The following XDH variants were observed in gnomAD, a reference collection of about 807,000 sequenced individuals.
XDH encodes xanthine dehydrogenase.
A neutral mutation model predicts 156.1 loss-of-function variants in XDH; 138 were observed. The observed-to-expected ratio is 0.88, with a 90% CI of 0.77 to 1.02. The LOEUF (loss-of-function observed/expected upper bound fraction) is 1.02. XDH is among the 50% of genes least tolerant of loss of function. XDH has a pLI of 0.00. For synonymous variants in XDH, 669 were observed against 625.7 expected (o/e 1.07, Z -1.03); for missense variants, 1,849 against 1,684.9 (o/e 1.10, Z -1.71).
intron 1 of XDH, among the ~76,000 whole-genome samples, chr2:31,410,358 A>G (rs1411244555): frequency 6.6e-6 from 1 of 152,244 alleles, no homozygotes; most frequent in Non-Finnish European, 1.5e-5. Flanking sequence ...ACACATAAAA[A>G]TGATTAAGAT....
intron 9 of XDH, among the ~76,000 whole-genome samples, chr2:31,384,588 G>T (rs914188498): frequency 6.6e-6 from 1 of 152,052 alleles, no homozygotes; most frequent in Admixed American, 6.6e-5. Context: ...CTGTTCCTTA[G>T]ACCCAGTTGG....
intron 35 of XDH, among the ~76,000 whole-genome samples, chr2:31,337,273 A>G (rs1433349878): frequency 6.6e-6 from 1 of 151,842 alleles, no homozygotes; most frequent in Non-Finnish European, 1.5e-5. Context: ...CAGTGTCCTT[A>G]ACATAAATTA....
Position 31,377,215 on chromosome 2 carries a change from T to G in XDH, c.1265A>C (p.Lys422Thr). Reference protein sequence around the residue: ...SREGEYFSAFKQASRREDDIA... With the variant: ...SREGEYFSAFTQASRREDDIA... ...GTCATCTTCTCTCCGGGAGGCCTGC[T>G]TGAATGCTGAGAAATACTCCCCCTA... The change falls in exon 14 of 36, where the codon AAG (lysine) becomes ACG (threonine). Residue 422 changes from lysine (K) to threonine (T), a missense_variant. Physicochemically the swap from Lys to Thr is moderately conservative, Grantham distance 78. Coordinates refer to ENST00000379416, the MANE Select transcript of XDH (RefSeq NM_000379.4). 6.2e-7 allele frequency: 1 copy of G among 1,614,134 alleles called. No individual in the cohort carries two copies. The highest frequency in any genetic ancestry group is 1.1e-5 in the South Asian group (1 of 91,082).
chr2:31,366,102 A>G lies in XDH; in HGVS notation c.2330T>C (p.Val777Ala), dbSNP rs746382988. ...TQNTMKTQSF[V>A]AKMLGVPANR... ...TGCTGGAACCCCCAACATTTTTGCAACAAAGCTCTGTGAGTGAAAGACAGA... is the reference window on the plus strand; with the variant it reads ...TGCTGGAACCCCCAACATTTTTGCAGCAAAGCTCTGTGAGTGAAAGACAGA... Residue 777 changes from valine to alanine, a missense_variant, in exon 22 of 36, where the codon GTT becomes GCT. Coordinates refer to ENST00000379416, the MANE Select transcript of XDH (RefSeq NM_000379.4). The G allele has an allele frequency of 1.2e-6, 2 of 1,614,210 alleles. No individual in the cohort carries two copies. Among genetic ancestry groups the G allele is most frequent in the African/African-American group, 1.3e-5 (1 of 75,052 alleles).
At chr2:31,368,146 T>A in intron 19 of XDH, 89 bp from the exon 20 acceptor site, 3 of 1,180,566 alleles carry the variant, frequency 2.5e-6, no homozygotes, top group Non-Finnish European at 3.8e-6. Flanking sequence ...CTCTCTGAAT[T>A]GTTGACTCTC....
chr2:31,368,950 G>GA (rs1345266732), intron 18 of XDH, among the ~76,000 whole-genome samples: 1 of 152,168 alleles, frequency 6.6e-6, no homozygotes, highest in Non-Finnish European at 1.5e-5. Context: ...GCCATGAGCA[G>GA]AAAGGGGGAT....
intron 6 of XDH, among the ~76,000 whole-genome samples, chr2:31,395,007 T>A (rs900148543): frequency 6.6e-6 from 1 of 152,238 alleles, no homozygotes; most frequent in African/African-American, 2.4e-5. Context: ...ATTTGTTAAT[T>A]CCAATATTCC....
At chr2:31,405,851 A>G (rs1687177648) in intron 2 of XDH, 56 bp downstream of exon 2, 10 of 1,600,632 alleles carry the variant, frequency 6.2e-6, no homozygotes, top group Non-Finnish European at 8.6e-6. Context: ...TAAGGCCTAC[A>G]GAATCAGTCA....
chr2:31,393,137 C>T (rs1432769573), intron 6 of XDH, among the ~76,000 whole-genome samples: 1 of 152,182 alleles, frequency 6.6e-6, no homozygotes, highest in African/African-American at 2.4e-5. Flanking sequence ...CTATAAATGT[C>T]AATTATATCC....
At chr2:31,359,865 A>G (rs564633255) in intron 24 of XDH, among the ~76,000 whole-genome samples, 2 of 152,368 alleles carry the variant, frequency 1.3e-5, no homozygotes, top group East Asian at 3.9e-4. Flanking sequence ...ATGATTCATT[A>G]GCCCTAAACA....
At position 31,347,603 on chromosome 2, in the gene XDH, G is replaced by A. The variant is rs200293437; in HGVS notation, c.3195C>T (p.Ser1065=). The change falls in exon 29 of 36, where the codon AGC becomes AGT. Residue 1065 remains serine (S), a synonymous_variant. Coordinates refer to ENST00000379416, the MANE Select transcript of XDH (RefSeq NM_000379.4). ...LKIPTSKIYI[S]ETSTNTVPNT... ...TGGGCACAGTGTTAGTGCTTGTCTC[G>A]CTGATATAAATCTTAGAGGTGGGGA... The A allele has an allele frequency of 6.1e-5, 98 of 1,614,132 alleles. No homozygotes were observed. Among genetic ancestry groups the A allele is most frequent in the Non-Finnish European group, 7.1e-5 (84 of 1,180,020 alleles).
chr2:31,344,862 T>A, intron 30 of XDH, 126 bp from the exon 31 acceptor site: 1 of 942,698 alleles, frequency 1.1e-6, no homozygotes, highest in South Asian at 1.4e-5. Context: ...TGACTCCCAT[T>A]TCCATACCTT....
intron 1 of XDH, among the ~76,000 whole-genome samples, chr2:31,413,955 T>C (rs948868367): frequency 6.6e-6 from 1 of 152,082 alleles, no homozygotes; most frequent in Non-Finnish European, 1.5e-5. Context: ...CTTCCCTAAG[T>C]CCCTGTGTAC....
At chr2:31,397,846 A>G (rs1438237256) in intron 5 of XDH, 117 bp from the exon 6 acceptor site, 1 of 1,185,346 alleles carries the variant, frequency 8.4e-7, no homozygotes, top group East Asian at 2.4e-5. Flanking sequence ...ATATTCTGTT[A>G]CCTCTGTCTG....
chr2:31,401,308 C>A lies in XDH; in HGVS notation c.218G>T (p.Cys73Phe), dbSNP rs1687052471. Residue 73 changes from cysteine (C) to phenylalanine (F), a missense_variant, in exon 4 of 36, where the codon TGC (cysteine) becomes TTC (phenylalanine). Physicochemically the swap from Cys to Phe is radical, Grantham distance 205 (BLOSUM62 -2). Coordinates refer to ENST00000379416, the MANE Select transcript of XDH (RefSeq NM_000379.4). ...GTGCAAGGAGCAGATGGGGGCCAGGCAGGCATTGGCAGAAAAGTGGCTAGA... is the reference window on the plus strand; with the variant it reads ...GTGCAAGGAGCAGATGGGGGCCAGGAAGGCATTGGCAGAAAAGTGGCTAGA... ...NKIVHFSANA[C>F]LAPICSLHHV... 1 of 1,614,190 alleles carries A rather than the reference C, an allele frequency of 6.2e-7. No individual in the cohort carries two copies.
intron 1 of XDH, among the ~76,000 whole-genome samples, chr2:31,412,774 CTT>C: frequency 6.6e-6 from 1 of 152,292 alleles, no homozygotes; most frequent in Non-Finnish European, 1.5e-5. Context: ...CAGGAATTCC[CTT>C]GCTTGGTCTT....
chr2:31,370,682 T>C (rs557065251), intron 17 of XDH, among the ~76,000 whole-genome samples: 1 of 152,236 alleles, frequency 6.6e-6, no homozygotes, highest in African/African-American at 2.4e-5. Flanking sequence ...CAGGCCACTA[T>C]GCTGAATGTT....
chr2:31,343,326 A>G (rs1392725333), intron 31 of XDH, among the ~76,000 whole-genome samples: 43 of 123,262 alleles, frequency 3.5e-4, no homozygotes, highest in Non-Finnish European at 6.2e-4. Context: ...ATATATATAT[A>G]TGCATGTTTA....
At chr2:31,369,008 T>C (rs145214507) in intron 18 of XDH, among the ~76,000 whole-genome samples, 61 of 152,340 alleles carry the variant, frequency 4.0e-4, no homozygotes, top group African/African-American at 1.4e-3. Context: ...TCCAACACCA[T>C]TGGTCTTCCT....
Sources: allele counts gnomAD v4.1 joint callset (sites outside exome capture counted in the v4.1 genomes callset), GRCh38; gene constraint gnomAD v4.1.1; transcripts MANE v1.5; gene names NCBI Gene and HGNC (gene_info 2026-07-23, HGNC 2026-07-21).